The following CFAP52 variants were observed in gnomAD, a reference collection of about 807,000 sequenced individuals.
CFAP52 encodes cilia and flagella associated protein 52, also known as cilia- and flagella-associated protein 52.
CFAP52 carries 57 observed loss-of-function variants against 70.5 expected under a neutral mutation model. The observed-to-expected ratio is 0.81, with a 90% CI of 0.65 to 1.01. The LOEUF is 1.01. Among genes scored for constraint, CFAP52 ranks in the 50% least tolerant of loss-of-function variants. The pLI is 0.00. For missense variants in CFAP52, 785 were observed against 788.5 expected (o/e 1.00, Z 0.05); for synonymous variants, 267 against 292.5 (o/e 0.91, Z 0.89).
intron 6 of CFAP52, among the ~76,000 whole-genome samples, chr17:9,607,636 A>G (rs1451003455): frequency 6.6e-6 from 1 of 152,250 alleles, no homozygotes; most frequent in East Asian, 1.9e-4. Flanking sequence ...TGCATTTGTA[A>G]GAATTAAGTT....
chr17:9,582,811 A>G (rs1457076369), intron 1 of CFAP52, among the ~76,000 whole-genome samples: 2 of 152,056 alleles, frequency 1.3e-5, no homozygotes, highest in East Asian at 3.9e-4. Context: ...TAATTTTTGT[A>G]TTTTTAGTAG....
chr17:9,585,154 G>A (rs759672221), intron 1 of CFAP52, among the ~76,000 whole-genome samples: 11 of 152,134 alleles, frequency 7.2e-5, no homozygotes, highest in Admixed American at 2.0e-4. Context: ...AGAATTGGCC[G>A]TAGGACTTGC....
Position 9,638,630 on chromosome 17 carries a change from G to A in CFAP52, c.1494G>A (p.Met498Ile). The A allele has an allele frequency of 2.5e-6, 4 of 1,614,180 alleles. No individual in the cohort carries two copies. The highest frequency in any genetic ancestry group is 1.7e-5 in the Admixed American group (1 of 60,016). Residue 498 changes from methionine to isoleucine, a missense_variant, in exon 12 of 14, where the codon ATG becomes ATA. By Grantham distance (10) the Met-to-Ile change is conservative. Coordinates refer to ENST00000352665, the MANE Select transcript of CFAP52 (RefSeq NM_145054.5). ...WDLVRLRRNQ[M>I]ILANTLFQCV... ...CCAGGCGTCTCAGGAGGAATCAGAT[G>A]ATACTAGCCAACACCTTATTCCAGT...
At chr17:9,626,634 C>T (rs79772539) in intron 8 of CFAP52, among the ~76,000 whole-genome samples, 2,452 of 152,300 alleles carry the variant, frequency 0.016, 88 homozygotes, top group African/African-American at 0.056. Context: ...GGAGCTCATT[C>T]ACCAAAGGCA....
At chr17:9,630,487 T>C (rs1428653771) in intron 9 of CFAP52, among the ~76,000 whole-genome samples, 2 of 146,218 alleles carry the variant, frequency 1.4e-5, no homozygotes, top group East Asian at 4.3e-4. Flanking sequence ...TGGAGTGCGG[T>C]GGCGCGATCT....
At chr17:9,623,058 G>A (rs956531992) in intron 8 of CFAP52, among the ~76,000 whole-genome samples, 1 of 152,068 alleles carries the variant, frequency 6.6e-6, no homozygotes, top group Non-Finnish European at 1.5e-5. Context: ...TAAGGTCTCA[G>A]GCAATGAATG....
At chr17:9,592,261 G>A (rs184317386) in intron 3 of CFAP52, among the ~76,000 whole-genome samples, 20 of 152,128 alleles carry the variant, frequency 1.3e-4, no homozygotes, top group African/African-American at 4.3e-4. Flanking sequence ...TCAGGAGTTC[G>A]AGAACAGCCC....
chr17:9,598,339 T>C lies in CFAP52; in HGVS notation c.636+6T>C. The C allele has an allele frequency of 6.2e-7, 1 of 1,605,740 alleles. No individual in the cohort carries two copies. The highest frequency in any genetic ancestry group is 8.5e-7 in the Non-Finnish European group (1 of 1,175,930). On this transcript the variant is annotated splice_donor_region_variant and intron_variant, in intron 5 of 13. Coordinates refer to ENST00000352665, the MANE Select transcript of CFAP52 (RefSeq NM_145054.5). The stretch of plus-strand genomic sequence containing the variant: ...GAATAGTCATGAGTATTGGAGTAAG[T>C]ATTAATTTAAGTATTAAGTAACAAT...
rs1192304864 is a variant in CFAP52, at chr17:9,600,142, C to G, written c.712C>G (p.Leu238Val). 1 of 1,614,046 alleles carries G rather than the reference C, an allele frequency of 6.2e-7. No homozygotes were observed. Among genetic ancestry groups the G allele is most frequent in the Admixed American group, 1.7e-5 (1 of 60,008 alleles). ...TCTAAAAATGAACCCCAGGACTAAA[C>G]TGCTGACAGATGTTGGGCCTGCGAA... ...DILKMNPRTK[L>V]LTDVGPAKDK... is the part of the protein sequence containing the mutation. Residue 238 changes from leucine (L) to valine (V), a missense_variant, in exon 6 of 14, where the codon CTG (leucine) becomes GTG (valine). Transcript: ENST00000352665.
chr17:9,594,415 T>C (rs1908908379), intron 4 of CFAP52, 94 bp downstream of exon 4: 1 of 1,483,752 alleles, frequency 6.7e-7, no homozygotes, highest in Admixed American at 2.0e-5. Flanking sequence ...GAACACGTCT[T>C]TAGTCCTGGA....
In CFAP52 at chr17:9,631,012, A is replaced by G. The variant is rs1286821458; in HGVS notation, c.1175-1876A>G. 1.5e-4 allele frequency among the ~76,000 whole-genome samples: 8 copies of G among 53,310 alleles called. No individual in the cohort carries two copies. The South Asian group carries it at 8.2e-3, about 54-fold the overall frequency. 35.0% of individuals were successfully genotyped at this position (53,310 alleles called of 152,430 possible). A position where few individuals can be genotyped will look rare whatever the true frequency, so the allele number is the denominator to read the frequency against. The stretch of plus-strand genomic sequence containing the variant: ...AAAAAAAGAAAGAAAGAAAGAAAGA[A>G]AGAAAGAAAGAAAGAAAGAGAGAGA... On this transcript the variant is annotated intron_variant, in intron 9 of 13. Transcript: ENST00000352665.
At chr17:9,584,425 T>C (rs919678677) in intron 1 of CFAP52, 33 of 1,230,150 alleles carry the variant, frequency 2.7e-5, no homozygotes, top group Non-Finnish European at 3.1e-5. Context: ...CCTGGTTATA[T>C]TGAGGCATAC....
intron 8 of CFAP52, among the ~76,000 whole-genome samples, chr17:9,625,022 T>A (rs539395817): frequency 6.6e-6 from 1 of 152,282 alleles, no homozygotes; most frequent in East Asian, 1.9e-4. Flanking sequence ...AAATATTCTG[T>A]TAACCTCAAG....
intron 10 of CFAP52, among the ~76,000 whole-genome samples, chr17:9,633,871 C>T (rs1172352236): frequency 2.0e-5 from 3 of 151,284 alleles, no homozygotes; most frequent in South Asian, 4.2e-4. Flanking sequence ...TTAGTAGAGA[C>T]GGGGTTTCAC....
chr17:9,633,843 A>AT (rs558193967), intron 10 of CFAP52, among the ~76,000 whole-genome samples: 14 of 150,346 alleles, frequency 9.3e-5, no homozygotes, highest in Admixed American at 2.0e-4. Context: ...CGCCCAGCTA[A>AT]TTTTTTTTTG....
chr17:9,605,027 A>G (rs563507601), intron 6 of CFAP52, among the ~76,000 whole-genome samples: 24 of 152,256 alleles, frequency 1.6e-4, no homozygotes, highest in Admixed American at 7.9e-4. Flanking sequence ...TTTGGAAGAT[A>G]GTTTGGTGGT....
chr17:9,584,506 T>TG (rs2151926963), intron 1 of CFAP52: 1 of 458,702 alleles, frequency 2.2e-6, no homozygotes, highest in South Asian at 4.7e-5. Context: ...CATTGTGAAA[T>TG]GATGTCTACG....
At chr17:9,616,884 C>A (rs1334053257) in intron 8 of CFAP52, among the ~76,000 whole-genome samples, 1 of 47,804 alleles carries the variant, frequency 2.1e-5, no homozygotes, top group East Asian at 7.5e-4. Flanking sequence ...GTAGATAAAA[C>A]CACAAAGATG....
chr17:9,593,493 T>C (rs1908856917), intron 3 of CFAP52, among the ~76,000 whole-genome samples: 2 of 152,200 alleles, frequency 1.3e-5, no homozygotes, highest in African/African-American at 4.8e-5. Flanking sequence ...TCTCGCTCTC[T>C]TGCCCAGGCT....
Sources: gnomAD v4.1 joint callset for allele counts (sites outside exome capture counted in the v4.1 genomes callset) on GRCh38, gnomAD v4.1.1 for gene constraint, MANE v1.5 for transcripts, NCBI Gene and HGNC (gene_info 2026-07-23, HGNC 2026-07-21) for gene names.